Variants in SLC26A4 observed in about 807,000 individuals in gnomAD.
SLC26A4 encodes solute carrier family 26 member 4.
A neutral mutation model predicts 90.4 loss-of-function variants in SLC26A4; 93 were observed. That is an observed-to-expected ratio of 1.03 (90% CI 0.87 to 1.22). The LOEUF (loss-of-function observed/expected upper bound fraction) is 1.22. Among genes scored for constraint, SLC26A4 ranks in the 50% most tolerant of loss-of-function variants. The pLI, the probability that SLC26A4 is intolerant of heterozygous loss-of-function variation, is 0.00. For missense variants in SLC26A4, 1,127 were observed against 946.2 expected, an observed-to-expected ratio of 1.19 and a Z score of -2.51; for synonymous variants, 393 against 354.6, an observed-to-expected ratio of 1.11 and a Z score of -1.22.
Position 107,661,715 on chromosome 7 carries a change from C to G in SLC26A4, c.74C>G (p.Pro25Arg), listed in dbSNP as rs367907345. ...AGCTGCAGCTACATGGTGTCGCGGC[C>G]GGTCTACAGCGAGCTCGCTTTCCAG... The part of the protein sequence containing the change: ...EYSCSYMVSR[P>R]VYSELAFQQQ... Residue 25 changes from proline to arginine, a missense_variant, in exon 2 of 21, where the codon CCG becomes CGG. By Grantham distance (103) the Pro-to-Arg change is moderately radical. Transcript: ENST00000644269. The surrounding 1 kb of genome is among the most constrained non-coding windows in gnomAD (Gnocchi z 5.1). 15 of 1,563,266 alleles carry G rather than the reference C, an allele frequency of 9.6e-6. No homozygotes were observed. Among genetic ancestry groups the G allele is most frequent in the African/African-American group, 1.4e-5 (1 of 74,000 alleles).
In SLC26A4 at chr7:107,675,500, C is replaced by T. The variant is rs540434006; in HGVS notation, c.765+391C>T. ...CCACCCTGGGTGACAGAGCAAGAAC[C>T]TGTTTCAAGCAAAAACAAAATCAAA... On this transcript the variant is annotated intron_variant, in intron 6 of 20. Coordinates refer to ENST00000644269, the MANE Select transcript of SLC26A4 (RefSeq NM_000441.2). Among the ~76,000 whole-genome samples the T allele has an allele frequency of 4.0e-4, 61 of 151,322 alleles. No homozygotes were observed. The East Asian group carries it at 0.01, about 26-fold the overall frequency.
intron 10 of SLC26A4, among the ~76,000 whole-genome samples, chr7:107,691,510 T>TACACAC (rs780039045): frequency 0.022 from 1,138 of 51,136 alleles, 8 homozygotes; most frequent in East Asian, 0.095. Flanking sequence ...GTCAAATATA[T>TACACAC]ATATACACAC....
chr7:107,671,426 A>G (rs1490160916), intron 3 of SLC26A4, among the ~76,000 whole-genome samples: 1 of 152,202 alleles, frequency 6.6e-6, no homozygotes, highest in Non-Finnish European at 1.5e-5. Context: ...TTCCCAAAGC[A>G]CTGGGATTAT....
At chr7:107,680,586 C>G (rs577183114) in intron 6 of SLC26A4, among the ~76,000 whole-genome samples, 88 of 150,926 alleles carry the variant, frequency 5.8e-4, no homozygotes, top group Admixed American at 7.3e-4. Context: ...TCATAGAGCT[C>G]TTCTTAAAAG....
In SLC26A4 at chr7:107,661,166, A is replaced by G. The variant is rs1180643316; in HGVS notation, c.-4+311A>G. The G allele has an allele frequency of 5.4e-6, 1 of 185,844 alleles. No homozygotes were observed. Among genetic ancestry groups the G allele is most frequent in the African/African-American group, 2.4e-5 (1 of 41,634 alleles). 11.5% of individuals were successfully genotyped at this position (185,844 alleles called of 1,614,324 possible). On this transcript the variant is annotated intron_variant, in intron 1 of 20. Transcript: ENST00000644269. This position sits in a 1 kb window ranked among gnomAD's most constrained non-coding sequence, Gnocchi z 5.1. ...TTCCACGCCTGGCCCGGGGGTCTGC[A>G]CCTCTCCTCCAGTGCGCACCTGGAG...
At position 107,682,133 on chromosome 7, in the gene SLC26A4, T is replaced by TAA. The variant is rs1401520972; in HGVS notation, c.766-1069_766-1068insAA. On this transcript the variant is annotated intron_variant, in intron 6 of 20. Coordinates refer to ENST00000644269, the MANE Select transcript of SLC26A4 (RefSeq NM_000441.2). ...AAAAAAAAAAAAAAAAAAAAAAATTTTTTTTATGTTATCTTAGTTCAAGTT... is the reference window on the plus strand; with the variant it reads ...AAAAAAAAAAAAAAAAAAAAAAATTTAATTTTTATGTTATCTTAGTTCAAGTT... Among the ~76,000 whole-genome samples the TAA allele has an allele frequency of 1.5e-3, 61 of 40,914 alleles. 4 individuals are homozygous for TAA. The highest frequency in any genetic ancestry group is 3.1e-3 in the African/African-American group (44 of 14,188). The allele number at this position is 40,914 out of a possible 152,430, so 26.8% of individuals were successfully genotyped here.
In SLC26A4 at chr7:107,661,854, C is replaced by A; in HGVS notation, c.164+49C>A. ...AGAGAGAAGCGGAGCGGGGCGTCCA[C>A]GCCTTGGGGAGGGAAGGGCGTCCCC... On this transcript the variant is annotated intron_variant, in intron 2 of 20. Transcript: ENST00000644269. This position sits in a 1 kb window ranked among gnomAD's most constrained non-coding sequence, Gnocchi z 5.1. The A allele has an allele frequency of 6.6e-7, 1 of 1,515,576 alleles. No homozygotes were observed. The highest frequency in any genetic ancestry group is 8.8e-7 in the Non-Finnish European group (1 of 1,133,298). 93.9% of individuals were successfully genotyped at this position (1,515,576 alleles called of 1,614,324 possible).
chr7:107,694,835 G>A, intron 12 of SLC26A4, 119 bp downstream of exon 12: 1 of 745,082 alleles, frequency 1.3e-6, no homozygotes, highest in Non-Finnish European at 2.4e-6. Flanking sequence ...AACTCCAGAG[G>A]AGAAATTAGA....
chr7:107,706,181 G>A (rs756988130), intron 18 of SLC26A4, among the ~76,000 whole-genome samples: 1 of 152,160 alleles, frequency 6.6e-6, no homozygotes. Context: ...TATCAAAGAC[G>A]ATCATGGTAG....
intron 13 of SLC26A4, among the ~76,000 whole-genome samples, chr7:107,697,041 T>G (rs1399699917): frequency 6.6e-6 from 1 of 152,212 alleles, no homozygotes; most frequent in Non-Finnish European, 1.5e-5. Context: ...GCTTGTGTTT[T>G]CTACCTCAGC....
Position 107,710,213 on chromosome 7 carries a change from C to A in SLC26A4, c.2235+14C>A, listed in dbSNP as rs777825822. Reference sequence around the variant, plus strand: ...ATTTTAGAAACGGTAAATATTCAACCTTTCTACAGATGTATCTTTTCTAAA... The same window carrying A: ...ATTTTAGAAACGGTAAATATTCAACATTTCTACAGATGTATCTTTTCTAAA... On this transcript the variant is annotated intron_variant, in intron 19 of 20. Transcript: ENST00000644269. The A allele has an allele frequency of 6.5e-7, 1 of 1,547,958 alleles. No individual in the cohort carries two copies. The highest frequency in any genetic ancestry group is 1.1e-5 in the South Asian group (1 of 89,604).
At chr7:107,700,547 G>A (rs1445649093) in intron 15 of SLC26A4, among the ~76,000 whole-genome samples, 1 of 152,168 alleles carries the variant, frequency 6.6e-6, no homozygotes, top group Non-Finnish European at 1.5e-5. Flanking sequence ...AAGAAATCAT[G>A]TCAAGTGTTT....
In SLC26A4 at chr7:107,701,884, A is replaced by G. The variant is rs559273196; in HGVS notation, c.1861A>G (p.Ile621Val). The change falls in exon 17 of 21, where the codon ATT becomes GTT. Residue 621 changes from isoleucine (I) to valine (V), a missense_variant. Physicochemically the swap from Ile to Val is conservative, Grantham distance 29. Coordinates refer to ENST00000644269, the MANE Select transcript of SLC26A4 (RefSeq NM_000441.2). ...TNNAFEPDED[I>V]EDLEELDIPT... ...TAATGCTTTTGAGCCTGATGAGGATATTGAAGATCTGGAGGAACTTGATAT... is the reference window on the plus strand; with the variant it reads ...TAATGCTTTTGAGCCTGATGAGGATGTTGAAGATCTGGAGGAACTTGATAT... The G allele has an allele frequency of 5.6e-6, 9 of 1,613,648 alleles. No individual in the cohort carries two copies. In the South Asian group the frequency reaches 6.6e-5, roughly 12 times the overall value.
chr7:107,680,022 T>C (rs1195443835), intron 6 of SLC26A4, among the ~76,000 whole-genome samples: 1 of 125,548 alleles, frequency 8.0e-6, no homozygotes. Context: ...TAATATAATC[T>C]TATTATATAA....
intron 10 of SLC26A4, among the ~76,000 whole-genome samples, chr7:107,691,512 T>TACACACACACACAC (rs760010561): frequency 0.027 from 2,960 of 110,272 alleles, 44 homozygotes; most frequent in African/African-American, 0.036. Flanking sequence ...CAAATATATA[T>TACACACACACACAC]ATACACACAC....
At chr7:107,692,593 A>G (rs1335510324) in intron 10 of SLC26A4, among the ~76,000 whole-genome samples, 1 of 152,210 alleles carries the variant, frequency 6.6e-6, no homozygotes, top group Non-Finnish European at 1.5e-5. Context: ...GAATGAATGA[A>G]TGGAAGAATG....
intron 6 of SLC26A4, among the ~76,000 whole-genome samples, chr7:107,676,435 G>A (rs940856914): frequency 2.0e-5 from 3 of 152,162 alleles, no homozygotes; most frequent in Non-Finnish European, 4.4e-5. Flanking sequence ...TAAATGAAAA[G>A]GAACATTAGA....
Position 107,661,492 on chromosome 7 carries a change from G to A in SLC26A4, c.-3-147G>A, listed in dbSNP as rs1584292377. ...GTGGGGCGCTTGTCGCGAGCGCCGA[G>A]GGCTGCAGGACGCGGACCAGACTCG... is the stretch of plus-strand genomic sequence containing the variant. On this transcript the variant is annotated intron_variant, in intron 1 of 20. Coordinates refer to ENST00000644269, the MANE Select transcript of SLC26A4 (RefSeq NM_000441.2). This position sits in a 1 kb window ranked among gnomAD's most constrained non-coding sequence, Gnocchi z 5.1. 4.5e-5 allele frequency: 41 copies of A among 916,312 alleles called. 1 individual carries two copies. In the South Asian group the frequency reaches 6.1e-4, roughly 14 times the overall value. The allele number at this position is 916,312 out of a possible 1,614,324, so 56.8% of individuals were successfully genotyped here.
chr7:107,674,072 TA>T, intron 4 of SLC26A4, 91 bp from the exon 5 acceptor site: 1 of 1,302,360 alleles, frequency 7.7e-7, no homozygotes, highest in Non-Finnish European at 1.1e-6. Flanking sequence ...TAGTCACAGC[TA>T]AATCTTTTAT....
Sources: allele counts gnomAD v4.1 joint callset (sites outside exome capture counted in the v4.1 genomes callset), GRCh38; gene constraint gnomAD v4.1.1; non-coding constraint Gnocchi (gnomAD v3.1); transcripts MANE v1.5; gene names NCBI Gene and HGNC (gene_info 2026-07-23, HGNC 2026-07-21).